DTNA: variants seen among roughly 807,000 people sequenced by gnomAD.
The protein encoded by DTNA is dystrophin-related protein 3.
DTNA carries 43 observed loss-of-function variants against 100.7 expected under a neutral mutation model. The observed-to-expected ratio is 0.43, with a 90% CI of 0.33 to 0.55. The LOEUF is 0.55. Among genes scored for constraint, DTNA ranks in the 20% least tolerant of loss-of-function variants. The pLI, the probability that DTNA is intolerant of heterozygous loss-of-function variation, is 0.04. For synonymous variants in DTNA, 349 were observed against 347.9 expected, an observed-to-expected ratio of 1.00 and a Z score of -0.04; for missense variants, 798 against 953.9, an observed-to-expected ratio of 0.84 and a Z score of 2.15.
At chr18:34,648,428 A>G (rs2060092814) in intron 1 of DTNA, among the ~76,000 whole-genome samples, 1 of 152,232 alleles carries the variant, frequency 6.6e-6, no homozygotes, top group African/African-American at 2.4e-5. Context: ...GAAATCATCC[A>G]AATAGGATAC....
Position 34,887,869 on chromosome 18 carries a change from C to T in DTNA, c.*135C>T. On this transcript the variant is annotated 3_prime_UTR_variant, in exon 23 of 23. Coordinates refer to ENST00000444659, the MANE Select transcript of DTNA (RefSeq NM_001386795.1). The stretch of plus-strand genomic sequence containing the variant: ...GAAGACAGCAGCCTGGCAGCAGCCT[C>T]ACCGAAGAGAGGAACCACCACACCC... 1 of 986,754 alleles carries T rather than the reference C, an allele frequency of 1.0e-6. No individual in the cohort carries two copies. Among genetic ancestry groups the T allele is most frequent in the African/African-American group, 1.7e-5 (1 of 57,392 alleles). 61.1% of individuals were successfully genotyped at this position (986,754 alleles called of 1,614,324 possible).
chr18:34,498,437 AATAAT>A (rs1485319228), intron 1 of DTNA, among the ~76,000 whole-genome samples: 3 of 86,584 alleles, frequency 3.5e-5, no homozygotes, highest in Non-Finnish European at 6.5e-5. Context: ...CATCTCAGAA[AATAAT>A]ATAATAATAA....
chr18:34,842,345 T>C (rs1225794009), intron 13 of DTNA, among the ~76,000 whole-genome samples: 5 of 152,180 alleles, frequency 3.3e-5, no homozygotes, highest in African/African-American at 9.6e-5. Flanking sequence ...TTAAAATTGC[T>C]CCACAATATT....
chr18:34,741,900 C>T (rs934462490), intron 1 of DTNA, among the ~76,000 whole-genome samples: 14 of 152,104 alleles, frequency 9.2e-5, no homozygotes, highest in East Asian at 1.9e-4. Context: ...GTTAGACTGA[C>T]GTGAGTTCAA....
chr18:34,829,254 T>C, intron 10 of DTNA, 146 bp from the exon 11 acceptor site: 1 of 1,525,938 alleles, frequency 6.6e-7, no homozygotes, highest in Non-Finnish European at 8.8e-7. Flanking sequence ...CACATTTCTT[T>C]CTGTCACCAC....
chr18:34,672,052 T>G (rs552986473), intron 1 of DTNA, among the ~76,000 whole-genome samples: 4 of 152,138 alleles, frequency 2.6e-5, no homozygotes. Context: ...TTTTGGCCAA[T>G]TTGGTGGGTA....
In DTNA at chr18:34,549,640, C is replaced by T. The variant is rs545217798; in HGVS notation, c.-2+56126C>T. On this transcript the variant is annotated intron_variant, in intron 1 of 19. Transcript: ENST00000283365. ...TCAACTCAGTCCTGACAAAAGACTT[C>T]TGTTTTAGCTTTCCTATCTTATTTC... Among the ~76,000 whole-genome samples the T allele has an allele frequency of 2.0e-5, 3 of 152,142 alleles. No homozygotes were observed. The South Asian group carries it at 6.2e-4, about 32-fold the overall frequency.
chr18:34,532,455 A>G (rs1017228635), intron 1 of DTNA, among the ~76,000 whole-genome samples: 7 of 152,090 alleles, frequency 4.6e-5, no homozygotes, highest in South Asian at 4.1e-4. Context: ...AGATCATTCT[A>G]TGGAGGGTTG....
intron 1 of DTNA, among the ~76,000 whole-genome samples, chr18:34,672,529 T>A (rs2076893181): frequency 6.6e-6 from 1 of 152,206 alleles, no homozygotes; most frequent in Non-Finnish European, 1.5e-5. Flanking sequence ...CTGCTTTACC[T>A]TGAAATGCAG....
At chr18:34,519,056 A>G (rs1481920659) in intron 1 of DTNA, among the ~76,000 whole-genome samples, 1 of 152,064 alleles carries the variant, frequency 6.6e-6, no homozygotes, top group African/African-American at 2.4e-5. Flanking sequence ...GTTTAGTGAG[A>G]AGGAAGAGTC....
intron 1 of DTNA, among the ~76,000 whole-genome samples, chr18:34,564,383 A>G (rs1369735897): frequency 6.6e-6 from 1 of 152,110 alleles, no homozygotes; most frequent in Non-Finnish European, 1.5e-5. Context: ...ACCTCAAGTG[A>G]TCCGCCCGCC....
At chr18:34,736,558 G>A (rs1210254489) in intron 1 of DTNA, among the ~76,000 whole-genome samples, 1 of 152,098 alleles carries the variant, frequency 6.6e-6, no homozygotes, top group East Asian at 1.9e-4. Flanking sequence ...TAGTAGGGTG[G>A]ACAGCGAAGA....
At chr18:34,498,442 T>TATAATA (rs58997432) in intron 1 of DTNA, among the ~76,000 whole-genome samples, 23,997 of 141,624 alleles carry the variant, frequency 0.17, 2,113 homozygotes, top group East Asian at 0.26. Flanking sequence ...CAGAAAATAA[T>TATAATA]ATAATAATAA....
chr18:34,586,334 T>C (rs989678575), intron 1 of DTNA, among the ~76,000 whole-genome samples: 2 of 152,156 alleles, frequency 1.3e-5, no homozygotes, highest in African/African-American at 4.8e-5. Flanking sequence ...TAATGCCTTT[T>C]TTATGGGAGT....
At chr18:34,856,720 A>G (rs1568795845) in intron 15 of DTNA, among the ~76,000 whole-genome samples, 1 of 152,304 alleles carries the variant, frequency 6.6e-6, no homozygotes, top group East Asian at 1.9e-4. Context: ...AATGGTACCT[A>G]TATATAATAG....
At chr18:34,611,916 T>C (rs2054287573) in intron 1 of DTNA, among the ~76,000 whole-genome samples, 2 of 152,188 alleles carry the variant, frequency 1.3e-5, no homozygotes, top group South Asian at 4.1e-4. Flanking sequence ...ACCTGGGCAG[T>C]CACAGAGCTG....
intron 3 of DTNA, among the ~76,000 whole-genome samples, chr18:34,788,208 A>C (rs1382245331): frequency 6.6e-6 from 1 of 152,214 alleles, no homozygotes; most frequent in Non-Finnish European, 1.5e-5. Context: ...AGCAGTAAGC[A>C]ACATATTTAT....
chr18:34,827,692 A>G lies in DTNA; in HGVS notation c.1085+16A>G. ...TTACCAGGAGGTAAGTTCCAACCCT[A>G]TTATAAAATAAGCCCTTTCTTTGGT... On this transcript the variant is annotated intron_variant, in intron 10 of 22. Coordinates refer to ENST00000444659, the MANE Select transcript of DTNA (RefSeq NM_001386795.1). The G allele has an allele frequency of 1.2e-6, 2 of 1,610,254 alleles. No individual in the cohort carries two copies. The highest frequency in any genetic ancestry group is 2.2e-5 in the East Asian group (1 of 44,836).
At chr18:34,829,270 T>C (rs2095940664) in intron 10 of DTNA, 130 bp from the exon 11 acceptor site, 6 of 1,522,078 alleles carry the variant, frequency 3.9e-6, no homozygotes, top group Non-Finnish European at 5.3e-6. Context: ...ACCACAGAGA[T>C]TGGCCTACGG....
Sources: allele counts gnomAD v4.1 joint callset (sites outside exome capture counted in the v4.1 genomes callset), GRCh38; gene constraint gnomAD v4.1.1; transcripts MANE v1.5; gene names NCBI Gene and HGNC (gene_info 2026-07-23, HGNC 2026-07-21).